POLE: variants seen among roughly 807,000 people sequenced by gnomAD.
The protein encoded by POLE is DNA polymerase epsilon catalytic subunit A.
In POLE, 188 loss-of-function variants were observed where a neutral mutation model predicts 279.2. The observed-to-expected ratio is 0.67, with a 90% CI of 0.60 to 0.76. The LOEUF (loss-of-function observed/expected upper bound fraction) is 0.76, where lower values mean the gene tolerates loss of function less well. Among genes scored for constraint, POLE ranks in the 30% least tolerant of loss-of-function variants. The probability of loss-of-function intolerance (pLI) is 0.00; values close to 1 mark genes in which losing one functional copy is unlikely to be tolerated. For missense variants in POLE, 2,703 were observed against 3,016.7 expected (o/e 0.90, Z 2.44); for synonymous variants, 1,214 against 1,172.5 (o/e 1.04, Z -0.72).
chr12:132,659,495 A>AG lies in POLE; in HGVS notation c.3074dup (p.Asp1026Ter), dbSNP rs1565956310. 2 of 1,614,100 alleles carry AG rather than the reference A, an allele frequency of 1.2e-6. No individual in the cohort carries two copies. Among genetic ancestry groups the AG allele is most frequent in the Non-Finnish European group, 8.5e-7 (1 of 1,179,978 alleles). The stretch of plus-strand genomic sequence containing the variant: ...AGATGAGCTCGAATAGCTCAGAGTC[A>AG]GGCATGTTGGCTGCCTAGAGAAAGA... On this transcript the variant is annotated frameshift_variant, in exon 26 of 49. Transcript: ENST00000320574. LOFTEE classifies it high-confidence loss of function.
rs1188949540 is a variant in POLE at position 132,675,504 on chromosome 12, C to T, written c.1120G>A (p.Ala374Thr). ...CTCAGACCGTGGACTGCTGCCCGGG[C>T]CTCCACAAATGGCCTGGGTTGGAAA... ...GDFFDWPFVE[A>T]RAAVHGLSMQ... Residue 374 changes from alanine to threonine, a missense_variant, in exon 12 of 49, where the codon GCC becomes ACC. Transcript: ENST00000320574. This position sits in a 1 kb window ranked among gnomAD's most constrained non-coding sequence, Gnocchi z 4.3. The T allele has an allele frequency of 1.9e-6, 3 of 1,614,072 alleles. No homozygotes were observed. The highest frequency in any genetic ancestry group is 1.3e-5 in the African/African-American group (1 of 75,028).
Position 132,643,328 on chromosome 12 carries a change from T to C in POLE, c.4447A>G (p.Ser1483Gly), listed in dbSNP as rs1475068188. The C allele has an allele frequency of 1.2e-6, 2 of 1,614,046 alleles. No individual in the cohort carries two copies. Among genetic ancestry groups the C allele is most frequent in the Middle Eastern group, 1.6e-4 (1 of 6,062 alleles). Residue 1483 changes from serine to glycine, a missense_variant and splice_region_variant, in exon 35 of 49, where the codon AGT (serine) becomes GGT (glycine). Ser to Gly is a moderately conservative substitution (Grantham distance 56). This residue lies in a region of POLE where 1,551 missense variants were observed against 1,686.1 expected (regional missense o/e 0.92). Transcript: ENST00000320574. ...LAQFSYLEPGSIRHIYLYHHA... is the reference protein window; with the variant it reads ...LAQFSYLEPGGIRHIYLYHHA... ...TGGTACAGGTAGATATGGCGGATAC[T>C]CCCTGGAGAAGGAAACAAGACCGTC...
rs892114074 is a variant in POLE, at chr12:132,634,844, C to T, written c.5812-466G>A. Among the ~76,000 whole-genome samples the T allele has an allele frequency of 6.6e-6, 1 of 152,110 alleles. No individual in the cohort carries two copies. The highest frequency in any genetic ancestry group is 2.4e-5 in the African/African-American group (1 of 41,408). ...CCCACTGCCACCTGCCCTGACCACA[C>T]GCTGATCCCCTCCTCAGAGCGGTCT... On this transcript the variant is annotated intron_variant, in intron 42 of 48. Coordinates refer to ENST00000320574, the MANE Select transcript of POLE (RefSeq NM_006231.4). This position sits in a 1 kb window ranked among gnomAD's most constrained non-coding sequence, Gnocchi z 4.0.
intron 26 of POLE, among the ~76,000 whole-genome samples, chr12:132,658,881 CAA>C (rs1167117347): frequency 3.5e-4 from 12 of 33,832 alleles, no homozygotes; most frequent in Admixed American, 4.6e-4. Flanking sequence ...ATATAACCAC[CAA>C]AAAAAAAAAA....
chr12:132,630,811 T>G (rs147459992), intron 45 of POLE, among the ~76,000 whole-genome samples: 28 of 152,230 alleles, frequency 1.8e-4, no homozygotes, highest in Middle Eastern at 3.4e-3. Context: ...TAGCTGCAAT[T>G]TAAAAACCCA....
In POLE at chr12:132,633,956, G is replaced by C. The variant is rs5745008; in HGVS notation, c.6004+230C>G. ...GCAGCCGCTCCCCATGGAGTTTCCT[G>C]AGAGCAAAGGCTGGAGGGAAGACAG... On this transcript the variant is annotated intron_variant, in intron 43 of 48. Transcript: ENST00000320574. 1.6e-5 allele frequency: 7 copies of C among 450,200 alleles called. No individual in the cohort carries two copies. In the South Asian group the frequency reaches 3.3e-4, roughly 21 times the overall value. The allele number at this position is 450,200 out of a possible 1,614,324, so 27.9% of individuals were successfully genotyped here. A position where few individuals can be genotyped will look rare whatever the true frequency, so the allele number is the denominator to read the frequency against.
intron 20 of POLE, among the ~76,000 whole-genome samples, chr12:132,666,445 G>A (rs1441440831): frequency 1.3e-5 from 2 of 152,220 alleles, no homozygotes; most frequent in Admixed American, 6.5e-5. Context: ...ACGATCAGGC[G>A]TGATGGTACG....
Position 132,661,818 on chromosome 12 carries a change from G to A in POLE, c.2707-134C>T. The stretch of plus-strand genomic sequence containing the variant: ...ACATAACTAACACGACTTGGCAGCA[G>A]GAAGGAAGGAAGTTCTGATGCATGC... On this transcript the variant is annotated intron_variant, in intron 23 of 48. Transcript: ENST00000320574. The surrounding 1 kb of genome is among the most constrained non-coding windows in gnomAD (Gnocchi z 4.1). The A allele has an allele frequency of 1.2e-6, 1 of 846,992 alleles. No individual in the cohort carries two copies. The highest frequency in any genetic ancestry group is 1.8e-6 in the Non-Finnish European group (1 of 547,180). 52.5% of individuals were successfully genotyped at this position (846,992 alleles called of 1,614,324 possible).
At position 132,668,215 on chromosome 12, in the gene POLE, A is replaced by T. The variant is rs2042838850; in HGVS notation, c.2173+141T>A. The T allele has an allele frequency of 5.6e-6, 5 of 895,958 alleles. No homozygotes were observed. The highest frequency in any genetic ancestry group is 8.2e-6 in the Non-Finnish European group (5 of 609,528). 55.5% of individuals were successfully genotyped at this position (895,958 alleles called of 1,614,324 possible). On this transcript the variant is annotated intron_variant, in intron 19 of 48. Coordinates refer to ENST00000320574, the MANE Select transcript of POLE (RefSeq NM_006231.4). This position sits in a 1 kb window ranked among gnomAD's most constrained non-coding sequence, Gnocchi z 4.0. ...GGACCCTGCAGTGAGAGCACAGCTT[A>T]CAGTGACCTAGAGCAGCTTCTGGTC... is the stretch of plus-strand genomic sequence containing the variant.
rs1295500711 is a variant in POLE at position 132,677,656 on chromosome 12, C to G, written c.642G>C (p.Gln214His). The change falls in exon 7 of 49, where the codon CAG (glutamine) becomes CAC (histidine). Residue 214 changes from glutamine to histidine, a missense_variant. Physicochemically the swap from Gln to His is conservative, Grantham distance 24. This residue lies in a region of POLE where 1,011 missense variants were observed against 1,111.7 expected (regional missense o/e 0.91). Coordinates refer to ENST00000320574, the MANE Select transcript of POLE (RefSeq NM_006231.4). ...CGCGCATGTCCACAATGTTGTCCAA[C>G]TGGTCAGCTATCTTCTTAGAGGTTT... is the stretch of plus-strand genomic sequence containing the variant. ...EEETSKKIAD[Q>H]LDNIVDMREY... The G allele has an allele frequency of 6.2e-7, 1 of 1,614,154 alleles. No homozygotes were observed. The highest frequency in any genetic ancestry group is 8.5e-7 in the Non-Finnish European group (1 of 1,179,998).
At chr12:132,658,102 C>T (rs1297006013) in intron 26 of POLE, 132 bp from the exon 27 acceptor site, 11 of 643,370 alleles carry the variant, frequency 1.7e-5, no homozygotes, top group Admixed American at 1.0e-4. Flanking sequence ...TATACATCTG[C>T]GTGCATATGT....
intron 26 of POLE, chr12:132,658,242 A>T (rs916134442): frequency 3.1e-5 from 12 of 383,150 alleles, no homozygotes; most frequent in Non-Finnish European, 4.4e-5. Flanking sequence ...ACATAAACAC[A>T]TGCGTGTGCG....
chr12:132,673,946 TC>T lies in POLE; in HGVS notation c.1227-240del, dbSNP rs574667428. ...GCACCAGGACTGGTCCTTCCGGCCC[TC>T]GCCTTCCTCCCATCCTCAGCAGAGT... is the stretch of plus-strand genomic sequence containing the variant. On this transcript the variant is annotated intron_variant, in intron 12 of 48. Coordinates refer to ENST00000320574, the MANE Select transcript of POLE (RefSeq NM_006231.4). 5.3e-5 allele frequency among the ~76,000 whole-genome samples: 8 copies of T among 152,214 alleles called. No individual in the cohort carries two copies. The East Asian group carries it at 1.6e-3, about 30-fold the overall frequency.
chr12:132,657,799 C>A, intron 27 of POLE, 69 bp downstream of exon 27: 1 of 1,048,720 alleles, frequency 9.5e-7, no homozygotes, highest in Non-Finnish European at 1.4e-6. Flanking sequence ...TAATCCAACT[C>A]AGACATATTC....
chr12:132,653,535 C>G (rs1414484117), intron 29 of POLE, among the ~76,000 whole-genome samples: 1 of 152,010 alleles, frequency 6.6e-6, no homozygotes, highest in Non-Finnish European at 1.5e-5. Flanking sequence ...TATATCTTAC[C>G]TTGGTATCTA....
Position 132,684,009 on chromosome 12 carries a change from A to T in POLE, c.63-2730T>A, listed in dbSNP as rs371913037. On this transcript the variant is annotated intron_variant, in intron 1 of 48. Coordinates refer to ENST00000320574, the MANE Select transcript of POLE (RefSeq NM_006231.4). ...ATATCACACCGTCCCAGTACTCCAC[A>T]CAGGCTCTCATTCACAGAGAGCTAC... Among the ~76,000 whole-genome samples the T allele has an allele frequency of 5.8e-4, 82 of 142,016 alleles. No homozygotes were observed. The South Asian group carries it at 0.012, about 21-fold the overall frequency. 93.2% of individuals were successfully genotyped at this position (142,016 alleles called of 152,430 possible). A position where few individuals can be genotyped will look rare whatever the true frequency, so the allele number is the denominator to read the frequency against.
At chr12:132,653,197 C>T (rs2042461098) in intron 29 of POLE, among the ~76,000 whole-genome samples, 1 of 152,110 alleles carries the variant, frequency 6.6e-6, no homozygotes, top group Admixed American at 6.5e-5. Context: ...GCCTGGGCAA[C>T]AGTGAGACCC....
chr12:132,662,222 G>C (rs1400580164), intron 23 of POLE, among the ~76,000 whole-genome samples: 1 of 152,260 alleles, frequency 6.6e-6, no homozygotes, highest in African/African-American at 2.4e-5. Flanking sequence ...CATGCCAACA[G>C]GGTGGGGAGG....
chr12:132,653,391 TG>T (rs2042464908), intron 29 of POLE, among the ~76,000 whole-genome samples: 1 of 152,226 alleles, frequency 6.6e-6, no homozygotes, highest in South Asian at 2.1e-4. Flanking sequence ...AAAAAAGTTG[TG>T]TAATTTTTTC....
Sources: allele counts gnomAD v4.1 joint callset (sites outside exome capture counted in the v4.1 genomes callset), GRCh38; gene constraint gnomAD v4.1.1; regional missense constraint gnomAD v4.1.1; non-coding constraint Gnocchi (gnomAD v3.1); transcripts MANE v1.5; gene names NCBI Gene and HGNC (gene_info 2026-07-23, HGNC 2026-07-21).